The following AASDH variants were observed in gnomAD, a reference collection of about 807,000 sequenced individuals.
AASDH encodes the protein beta-alanine-activating enzyme.
Under a neutral mutation model 102.3 loss-of-function variants are expected in AASDH, and 81 were observed. The observed-to-expected ratio is 0.79, with a 90% CI of 0.66 to 0.95. The LOEUF (loss-of-function observed/expected upper bound fraction) is 0.95, where lower values mean the gene tolerates loss of function less well. AASDH is among the 40% of genes least tolerant of loss of function. The pLI, the probability that AASDH is intolerant of heterozygous loss-of-function variation, is 0.00. For synonymous variants in AASDH, 398 were observed against 454.0 expected (o/e 0.88, Z 1.57); for missense variants, 1,203 against 1,266.2 (o/e 0.95, Z 0.76).
chr4:56,379,459 G>A (rs1283197092), intron 3 of AASDH, among the ~76,000 whole-genome samples: 1 of 152,090 alleles, frequency 6.6e-6, no homozygotes, highest in African/African-American at 2.4e-5. Context: ...TCCTCGGATA[G>A]GAAACCTCTG....
Position 56,338,609 on chromosome 4 carries a change from G to GTAGT in AASDH, c.3086_3089dup (p.Tyr1030Ter), listed in dbSNP as rs761607386. Reference sequence around the variant, plus strand: ...CCAGCAACATTTCATTGCTGCCATTGTAGTTATGGAAAGCAAACGGTGTTG... The same window carrying GTAGT: ...CCAGCAACATTTCATTGCTGCCATTGTAGTTAGTTATGGAAAGCAAACGGTGTTG... On this transcript the variant is annotated stop_gained and frameshift_variant, in exon 15 of 15. Coordinates refer to ENST00000205214, the MANE Select transcript of AASDH (RefSeq NM_181806.4). LOFTEE classifies it high-confidence loss of function. The GTAGT allele has an allele frequency of 6.8e-5, 109 of 1,614,056 alleles. No homozygotes were observed. The highest frequency in any genetic ancestry group is 8.9e-5 in the Non-Finnish European group (105 of 1,180,028).
chr4:56,387,417 G>T lies in AASDH; in HGVS notation c.-98C>A, dbSNP rs1001828087. 3 of 152,228 alleles carry T rather than the reference G, an allele frequency of 2.0e-5. No homozygotes were observed. The highest frequency in any genetic ancestry group is 1.5e-5 in the Non-Finnish European group (1 of 68,072). 9.4% of individuals were successfully genotyped at this position (152,228 alleles called of 1,614,324 possible). The stretch of plus-strand genomic sequence containing the variant: ...CATTCGGCCCTTTCCCGGATAGCTC[G>T]TCGCGGATACTTCTCACAGCGAAGC... On this transcript the variant is annotated 5_prime_UTR_variant, in exon 1 of 15. Coordinates refer to ENST00000205214, the MANE Select transcript of AASDH (RefSeq NM_181806.4).
intron 3 of AASDH, among the ~76,000 whole-genome samples, chr4:56,379,172 C>G (rs1338604406): frequency 1.3e-5 from 2 of 152,180 alleles, no homozygotes; most frequent in East Asian, 3.9e-4. Context: ...CAGGCATGAG[C>G]CACCACGCCT....
intron 4 of AASDH, among the ~76,000 whole-genome samples, chr4:56,373,512 A>C (rs1320891416): frequency 6.6e-6 from 1 of 152,174 alleles, no homozygotes; most frequent in Non-Finnish European, 1.5e-5. Context: ...GAGAAAGAGA[A>C]GCAAGAGAAA....
chr4:56,355,599 T>G (rs1181330260), intron 5 of AASDH, among the ~76,000 whole-genome samples, 176 bp from the exon 6 acceptor site: 2 of 149,590 alleles, frequency 1.3e-5, no homozygotes, highest in Non-Finnish European at 3.0e-5. Context: ...TCTTGTTTTT[T>G]TTTTTTTTTT....
rs529371728 is a variant in AASDH, at chr4:56,385,288, CT to C, written c.-42-948del. Among the ~76,000 whole-genome samples the C allele has an allele frequency of 2.9e-3, 436 of 152,184 alleles. 3 individuals carry two copies. The highest frequency in any genetic ancestry group is 0.01 in the African/African-American group (420 of 41,518). On this transcript the variant is annotated intron_variant, in intron 1 of 14. Coordinates refer to ENST00000205214, the MANE Select transcript of AASDH (RefSeq NM_181806.4). ...CTATTAATATTTTACAGAAGTCATACTTGTATAATTGTCAAGAAGTAAACTC... is the reference window on the plus strand; with the variant it reads ...CTATTAATATTTTACAGAAGTCATACTGTATAATTGTCAAGAAGTAAACTC...
chr4:56,345,070 TAAC>T (rs1577960988), intron 12 of AASDH, 54 bp downstream of exon 12: 1 of 1,574,068 alleles, frequency 6.4e-7, no homozygotes, highest in Non-Finnish European at 8.7e-7. Flanking sequence ...GCCTCTGGAG[TAAC>T]TACCATTACA....
At position 56,384,330 on chromosome 4, in the gene AASDH, T is replaced by C. The variant is rs1255616639; in HGVS notation, c.-31A>G. The C allele has an allele frequency of 6.3e-7, 1 of 1,594,376 alleles. No homozygotes were observed. Among genetic ancestry groups the C allele is most frequent in the Non-Finnish European group, 8.6e-7 (1 of 1,162,780 alleles). On this transcript the variant is annotated 5_prime_UTR_variant, in exon 2 of 15. Coordinates refer to ENST00000205214, the MANE Select transcript of AASDH (RefSeq NM_181806.4). ...TGAAGTTTATCTAAACATCAATTTG[T>C]AGCACAGAACCCTGTGTATATACAG...
Position 56,355,224 on chromosome 4 carries a change from G to A in AASDH, c.1061C>T (p.Thr354Ile), listed in dbSNP as rs1206811989. 6.2e-7 allele frequency: 1 copy of A among 1,613,906 alleles called. No homozygotes were observed. The highest frequency in any genetic ancestry group is 8.5e-7 in the Non-Finnish European group (1 of 1,179,962). ...YGITEVSSWA[T>I]IYRIPEKTLN... ...AGTCTTCTCTGGAATCCTATAAATG[G>A]TCGCCCAACTTGATACCTCTGTGAT... is the stretch of plus-strand genomic sequence containing the variant. The change falls in exon 6 of 15, where the codon ACC becomes ATC. Residue 354 changes from threonine to isoleucine, a missense_variant. Transcript: ENST00000205214.
chr4:56,344,749 GAAGTT>G (rs1748121232), intron 12 of AASDH, among the ~76,000 whole-genome samples: 1 of 151,972 alleles, frequency 6.6e-6, no homozygotes, highest in Non-Finnish European at 1.5e-5. Flanking sequence ...ATTTGGTAAT[GAAGTT>G]AAAAAGGTCT....
intron 4 of AASDH, among the ~76,000 whole-genome samples, chr4:56,372,743 CCA>C (rs1751886953): frequency 6.6e-6 from 1 of 151,872 alleles, no homozygotes; most frequent in Non-Finnish European, 1.5e-5. Context: ...GGCTCACAGC[CCA>C]CACTCTTATA....
intron 5 of AASDH, among the ~76,000 whole-genome samples, chr4:56,365,230 A>T (rs1750842938): frequency 1.3e-5 from 2 of 152,052 alleles, no homozygotes; most frequent in South Asian, 2.1e-4. Context: ...AAGTCCTTAG[A>T]GACCTACAAA....
At chr4:56,379,036 AC>A (rs1752682782) in intron 3 of AASDH, among the ~76,000 whole-genome samples, 1 of 151,822 alleles carries the variant, frequency 6.6e-6, no homozygotes, top group Non-Finnish European at 1.5e-5. Context: ...GGCACCTGCC[AC>A]CACGCCCGGC....
At chr4:56,355,094 C>A in intron 6 of AASDH, 88 bp downstream of exon 6, 2 of 1,429,944 alleles carry the variant, frequency 1.4e-6, no homozygotes, top group African/African-American at 1.4e-5. Flanking sequence ...AAAATTATTA[C>A]CCCAGCACCT....
intron 8 of AASDH, 98 bp downstream of exon 8, chr4:56,353,941 C>T: frequency 9.0e-7 from 1 of 1,110,542 alleles, no homozygotes; most frequent in Non-Finnish European, 1.2e-6. Flanking sequence ...ACAAAAATGT[C>T]AGGTGTAAAT....
Position 56,338,405 on chromosome 4 carries a change from T to A in AASDH, c.3294A>T (p.Lys1098Asn), listed in dbSNP as rs1417292805. ...YCLDLLGGNQK is the reference protein window; with the variant it reads ...YCLDLLGGNQN ...TACAAATAAGGACTGTATTTGATTATTTTTGATTGCCACCCAATAAATCCA... is the reference window on the plus strand; with the variant it reads ...TACAAATAAGGACTGTATTTGATTAATTTTGATTGCCACCCAATAAATCCA... Residue 1098 changes from lysine (K) to asparagine (N), a missense_variant, in exon 15 of 15, where the codon AAA becomes AAT. Physicochemically the swap from Lys to Asn is moderately conservative, Grantham distance 94 (BLOSUM62 0). Transcript: ENST00000205214. 1.2e-6 allele frequency: 2 copies of A among 1,612,876 alleles called. No individual in the cohort carries two copies. The highest frequency in any genetic ancestry group is 8.5e-7 in the Non-Finnish European group (1 of 1,179,394).
chr4:56,364,848 G>C (rs1274469884), intron 5 of AASDH, among the ~76,000 whole-genome samples: 7 of 152,090 alleles, frequency 4.6e-5, no homozygotes, highest in Non-Finnish European at 1.5e-5. Context: ...ATAATGACAG[G>C]ATCAAATTCA....
At chr4:56,366,497 C>T (rs890529484) in intron 5 of AASDH, among the ~76,000 whole-genome samples, 2 of 152,186 alleles carry the variant, frequency 1.3e-5, no homozygotes, top group Non-Finnish European at 2.9e-5. Flanking sequence ...CCGAATCCAG[C>T]AGCACATCAA....
chr4:56,357,764 G>A (rs1749794441), intron 5 of AASDH, among the ~76,000 whole-genome samples: 1 of 151,680 alleles, frequency 6.6e-6, no homozygotes, highest in Non-Finnish European at 1.5e-5. Flanking sequence ...CATCTATGCT[G>A]CTAAGTGTAT....
Sources: gnomAD v4.1 joint callset for allele counts (sites outside exome capture counted in the v4.1 genomes callset) on GRCh38, gnomAD v4.1.1 for gene constraint, MANE v1.5 for transcripts, NCBI Gene and HGNC (gene_info 2026-07-23, HGNC 2026-07-21) for gene names.